The following RAP1B variants were observed in gnomAD, a reference collection of about 807,000 sequenced individuals.
RAP1B encodes the protein RAP1B, member of RAS oncogene family.
A neutral mutation model predicts 27.5 loss-of-function variants in RAP1B; 1 was observed. That is an observed-to-expected ratio of 0.04 (90% CI 0.01 to 0.17). The LOEUF (loss-of-function observed/expected upper bound fraction) is 0.17, where lower values mean the gene tolerates loss of function less well. RAP1B is among the 10% of genes least tolerant of loss of function. The pLI, the probability that RAP1B is intolerant of heterozygous loss-of-function variation, is 1.00. For synonymous variants in RAP1B, 75 were observed against 73.1 expected, an observed-to-expected ratio of 1.03 and a Z score of -0.13; for missense variants, 84 against 214.8, an observed-to-expected ratio of 0.39 and a Z score of 3.81.
At chr12:68,656,219 C>T in intron 5 of RAP1B, 87 bp from the exon 6 acceptor site, 1 of 1,222,394 alleles carries the variant, frequency 8.2e-7, no homozygotes, top group Non-Finnish European at 1.1e-6. Flanking sequence ...AAAAGTAATT[C>T]TTAGATTTGA....
chr12:68,613,482 CT>C (rs1223760147), intron 1 of RAP1B, among the ~76,000 whole-genome samples: 1 of 151,710 alleles, frequency 6.6e-6, no homozygotes, highest in African/African-American at 2.4e-5. Context: ...AGTCATCTCT[CT>C]TACCTTCTAT....
intron 1 of RAP1B, chr12:68,626,925 A>C (rs1592431080): frequency 6.4e-7 from 1 of 1,553,462 alleles, no homozygotes; most frequent in Non-Finnish European, 8.8e-7. Context: ...AATGTACTTG[A>C]CCCGACAGCC....
chr12:68,636,515 A>G (rs1049197576), intron 1 of RAP1B, among the ~76,000 whole-genome samples: 1 of 152,188 alleles, frequency 6.6e-6, no homozygotes, highest in Non-Finnish European at 1.5e-5. Flanking sequence ...GTAACCTCCA[A>G]TTCGTGGGCT....
intron 1 of RAP1B, among the ~76,000 whole-genome samples, chr12:68,629,071 C>T (rs918722201): frequency 4.6e-5 from 7 of 152,194 alleles, no homozygotes; most frequent in African/African-American, 1.7e-4. Context: ...GTTGCCCAGG[C>T]TGGAGTGCAG....
In RAP1B at chr12:68,668,506, C is replaced by T. The variant is rs932224892; in HGVS notation, c.*9257C>T. On this transcript the variant is annotated 3_prime_UTR_variant, in exon 8 of 8. Transcript: ENST00000250559. Reference sequence around the variant, plus strand: ...ATTTTTTGTGACCAGGTCTCCCTGACCTGCACAAAATAAACTCTTCATGAG... The same window carrying T: ...ATTTTTTGTGACCAGGTCTCCCTGATCTGCACAAAATAAACTCTTCATGAG... 14 of 152,108 alleles carry T rather than the reference C, an allele frequency of 9.2e-5. No individual in the cohort carries two copies. The highest frequency in any genetic ancestry group is 3.4e-4 in the African/African-American group (14 of 41,408). 9.4% of individuals were successfully genotyped at this position (152,108 alleles called of 1,614,324 possible).
intron 1 of RAP1B, among the ~76,000 whole-genome samples, chr12:68,637,657 A>AC (rs1384622038): frequency 1.4e-5 from 2 of 138,186 alleles, no homozygotes; most frequent in Non-Finnish European, 1.6e-5. Context: ...ATAAATGACC[A>AC]CCCCCCTGGT....
intron 4 of RAP1B, 50 bp from the exon 5 acceptor site, chr12:68,654,059 AAAT>A: frequency 6.8e-7 from 1 of 1,471,960 alleles, no homozygotes; most frequent in South Asian, 1.2e-5. Context: ...AAAATTGTAA[AAAT>A]AACTGTCAAA....
chr12:68,615,681 T>C (rs1231112228), intron 1 of RAP1B, among the ~76,000 whole-genome samples: 1 of 152,148 alleles, frequency 6.6e-6, no homozygotes, highest in Non-Finnish European at 1.5e-5. Flanking sequence ...TAGAGAGTAA[T>C]TATTTAATCT....
chr12:68,657,754 ACACACACACACACACACACGTGCGCG>A (rs2135972014), intron 7 of RAP1B: 1 of 149,218 alleles, frequency 6.7e-6, no homozygotes, highest in African/African-American at 2.6e-5. Flanking sequence ...ACACACACAC[ACACACACACACACACACACGTGCGCG>A]CGTGCGCGTG....
intron 1 of RAP1B, among the ~76,000 whole-genome samples, chr12:68,632,129 G>GTTTTTTTTTGTTTTTTT (rs1872288247): frequency 8.6e-5 from 9 of 104,380 alleles, no homozygotes; most frequent in African/African-American, 3.9e-4. Context: ...TTTTGGATTT[G>GTTTTTTTTTGTTTTTTT]TTTTTTTTTT....
chr12:68,651,176 G>C (rs1309463501), intron 3 of RAP1B, among the ~76,000 whole-genome samples: 1 of 152,210 alleles, frequency 6.6e-6, no homozygotes, highest in Non-Finnish European at 1.5e-5. Flanking sequence ...AACATTGCAA[G>C]TTTTGGATTT....
At position 68,671,851 on chromosome 12, in the gene RAP1B, T is replaced by C. The variant is rs1875107218; in HGVS notation, c.*12602T>C. 2 of 151,960 alleles carry C rather than the reference T, an allele frequency of 1.3e-5. No homozygotes were observed. The highest frequency in any genetic ancestry group is 2.4e-5 in the African/African-American group (1 of 41,356). 9.4% of individuals were successfully genotyped at this position (151,960 alleles called of 1,614,324 possible). On this transcript the variant is annotated 3_prime_UTR_variant, in exon 8 of 8. Coordinates refer to ENST00000250559, the MANE Select transcript of RAP1B (RefSeq NM_001010942.3). ...TTATATGTAAAATATGAATGTAAAATACATGGGAGGATAATATGCATTAAT... is the reference window on the plus strand; with the variant it reads ...TTATATGTAAAATATGAATGTAAAACACATGGGAGGATAATATGCATTAAT...
At chr12:68,632,138 T>TG (rs1436115832) in intron 1 of RAP1B, among the ~76,000 whole-genome samples, 3,477 of 134,120 alleles carry the variant, frequency 0.026, 247 homozygotes, top group African/African-American at 0.11. Context: ...TGTTTTTTTT[T>TG]TTTTTTTGTT....
chr12:68,671,291 A>G lies in RAP1B; in HGVS notation c.*12042A>G, dbSNP rs181536916. 4 of 152,176 alleles carry G rather than the reference A, an allele frequency of 2.6e-5. No homozygotes were observed. Among genetic ancestry groups the G allele is most frequent in the Admixed American group, 6.5e-5 (1 of 15,268 alleles). 9.4% of individuals were successfully genotyped at this position (152,176 alleles called of 1,614,324 possible). Reference sequence around the variant, plus strand: ...GATGGAAATGTGCATTGTAGAGCTGATATCTGTTCAAATTAAATATGCATA... The same window carrying G: ...GATGGAAATGTGCATTGTAGAGCTGGTATCTGTTCAAATTAAATATGCATA... On this transcript the variant is annotated 3_prime_UTR_variant, in exon 8 of 8. Transcript: ENST00000250559.
intron 1 of RAP1B, among the ~76,000 whole-genome samples, chr12:68,638,851 G>A (rs1182343455): frequency 6.6e-6 from 1 of 151,912 alleles, no homozygotes; most frequent in Non-Finnish European, 1.5e-5. Flanking sequence ...TAGTATAGAC[G>A]GGGTTTCACC....
chr12:68,637,619 A>AAAAAAC (rs1872719107), intron 1 of RAP1B, among the ~76,000 whole-genome samples: 2 of 150,736 alleles, frequency 1.3e-5, no homozygotes, highest in African/African-American at 4.9e-5. Context: ...AAAAAAAAAA[A>AAAAAAC]AAAAAAAAAC....
At position 68,657,725 on chromosome 12, in the gene RAP1B, AACACACACACACACACACACAC is replaced by A. The variant is rs61700927; in HGVS notation, c.*30+535_*30+556del. ...CCAGCCAACCCCGTCCCTAATTTAAAACACACACACACACACACACACACACACACACACACACACACACACA... is the reference window on the plus strand; with the variant it reads ...CCAGCCAACCCCGTCCCTAATTTAAAACACACACACACACACACACACACA... On this transcript the variant is annotated intron_variant, in intron 7 of 7. Transcript: ENST00000250559. The A allele has an allele frequency of 1.5e-3, 193 of 126,230 alleles. 1 individual carries two copies. The highest frequency in any genetic ancestry group is 8.1e-3 in the Middle Eastern group (2 of 248). 7.8% of individuals were successfully genotyped at this position (126,230 alleles called of 1,614,324 possible). A position where few individuals can be genotyped will look rare whatever the true frequency, so the allele number is the denominator to read the frequency against.
At chr12:68,616,363 C>G (rs188508293) in intron 1 of RAP1B, among the ~76,000 whole-genome samples, 1 of 151,958 alleles carries the variant, frequency 6.6e-6, no homozygotes, top group South Asian at 2.1e-4. Flanking sequence ...CAGTTCACCA[C>G]AGCCTCCGCC....
chr12:68,646,227 G>C (rs1471235558), intron 1 of RAP1B, among the ~76,000 whole-genome samples: 1 of 151,656 alleles, frequency 6.6e-6, no homozygotes, highest in Non-Finnish European at 1.5e-5. Flanking sequence ...ATGTTGTTTC[G>C]GTCAGTTGTG....
Sources: allele counts gnomAD v4.1 joint callset (sites outside exome capture counted in the v4.1 genomes callset), GRCh38; gene constraint gnomAD v4.1.1; transcripts MANE v1.5; gene names NCBI Gene and HGNC (gene_info 2026-07-23, HGNC 2026-07-21).